Variants in ANP32B observed in about 807,000 individuals in gnomAD.
The protein encoded by ANP32B is acidic leucine-rich nuclear phosphoprotein 32 family member B.
ANP32B carries 6 observed loss-of-function variants against 32.2 expected under a neutral mutation model. That is an observed-to-expected ratio of 0.19 (90% CI 0.10 to 0.37). ANP32B has a LOEUF of 0.37. Among genes scored for constraint, ANP32B ranks in the 10% least tolerant of loss-of-function variants. The pLI is 1.00. For missense variants in ANP32B, 204 were observed against 289.2 expected (o/e 0.71, Z 2.14); for synonymous variants, 98 against 105.8 (o/e 0.93, Z 0.45).
At chr9:98,008,128 C>A (rs576463916) in intron 4 of ANP32B, among the ~76,000 whole-genome samples, 1 of 152,220 alleles carries the variant, frequency 6.6e-6, no homozygotes, top group African/African-American at 2.4e-5. Flanking sequence ...TGATGCTCTC[C>A]GTCCCCAGCC....
chr9:97,999,133 G>T (rs1274480537), intron 3 of ANP32B, among the ~76,000 whole-genome samples: 1 of 151,592 alleles, frequency 6.6e-6, no homozygotes, highest in Non-Finnish European at 1.5e-5. Context: ...TACTTTTTAT[G>T]TAAGTCCCAA....
At chr9:98,005,184 T>C (rs1338889901) in intron 4 of ANP32B, 31 bp downstream of exon 4, 1 of 1,600,128 alleles carries the variant, frequency 6.2e-7, no homozygotes, top group Non-Finnish European at 8.5e-7. Flanking sequence ...GTGAACCTGA[T>C]GTCTGCCTTT....
chr9:98,004,021 C>T (rs944761597), intron 3 of ANP32B, among the ~76,000 whole-genome samples: 10 of 152,268 alleles, frequency 6.6e-5, no homozygotes, highest in African/African-American at 2.4e-4. Context: ...TAGTGTAGTA[C>T]CTCTGCCCTC....
At chr9:98,010,987 A>T (rs1222437571) in intron 4 of ANP32B, among the ~76,000 whole-genome samples, 1 of 152,102 alleles carries the variant, frequency 6.6e-6, no homozygotes, top group Non-Finnish European at 1.5e-5. Context: ...GCATACCCTT[A>T]CCTTCTTCCC....
intron 4 of ANP32B, among the ~76,000 whole-genome samples, chr9:98,008,805 A>T (rs1268626366): frequency 6.6e-6 from 1 of 152,214 alleles, no homozygotes; most frequent in Non-Finnish European, 1.5e-5. Flanking sequence ...TTGTATAATT[A>T]TATCATTATA....
intron 6 of ANP32B, 132 bp downstream of exon 6, chr9:98,012,604 C>A: frequency 7.6e-7 from 1 of 1,320,700 alleles, no homozygotes; most frequent in Non-Finnish European, 1.0e-6. Context: ...TTCACATTCT[C>A]GTTTCTATCG....
chr9:98,001,121 G>C (rs1827982995), intron 3 of ANP32B, among the ~76,000 whole-genome samples: 1 of 151,520 alleles, frequency 6.6e-6, no homozygotes, highest in East Asian at 1.9e-4. Context: ...GTTAGTGACA[G>C]ACATACTAAT....
intron 6 of ANP32B, 109 bp from the exon 7 acceptor site, chr9:98,015,255 T>C: frequency 6.8e-7 from 1 of 1,464,124 alleles, no homozygotes; most frequent in Non-Finnish European, 9.2e-7. Context: ...CAAGTTTACA[T>C]TGTTTTATCT....
At chr9:98,012,699 C>T (rs1271093736) in intron 6 of ANP32B, among the ~76,000 whole-genome samples, 2 of 152,190 alleles carry the variant, frequency 1.3e-5, no homozygotes, top group Admixed American at 1.3e-4. Flanking sequence ...TGTTGGTCTT[C>T]AGTCCTCATG....
At position 97,988,028 on chromosome 9, in the gene ANP32B, C is replaced by G. The variant is rs555431370; in HGVS notation, c.54+4419C>G. On this transcript the variant is annotated intron_variant, in intron 1 of 6. Coordinates refer to ENST00000339399, the MANE Select transcript of ANP32B (RefSeq NM_006401.3). ...AAAAGAAGATAGACATCATACATGC[C>G]TAACGTACCATCTAGACACTTTAGT... 2.0e-5 allele frequency among the ~76,000 whole-genome samples: 3 copies of G among 152,160 alleles called. No individual in the cohort carries two copies. In the East Asian group the frequency reaches 5.8e-4, roughly 29 times the overall value.
chr9:97,984,673 C>T (rs1827674798), intron 1 of ANP32B: 1 of 150,850 alleles, frequency 6.6e-6, no homozygotes, highest in African/African-American at 2.4e-5. Flanking sequence ...GCGGCCGCCT[C>T]TTCCCGCGCC....
chr9:97,984,106 C>G (rs1042493910), intron 1 of ANP32B, among the ~76,000 whole-genome samples: 3 of 149,594 alleles, frequency 2.0e-5, no homozygotes, highest in Admixed American at 1.3e-4. Flanking sequence ...GTGGCCGGAG[C>G]TCGCCGTGGG....
At chr9:97,991,803 A>G (rs557664883) in intron 1 of ANP32B, among the ~76,000 whole-genome samples, 2 of 152,344 alleles carry the variant, frequency 1.3e-5, no homozygotes, top group African/African-American at 4.8e-5. Context: ...AGTAGGGAAA[A>G]TTGAGCACAA....
chr9:97,994,278 C>T (rs1380288529), intron 1 of ANP32B, among the ~76,000 whole-genome samples: 1 of 152,208 alleles, frequency 6.6e-6, no homozygotes, highest in Non-Finnish European at 1.5e-5. Flanking sequence ...TGTCTTCATT[C>T]TGCATTTGCA....
chr9:97,992,132 G>T (rs1454228241), intron 1 of ANP32B, among the ~76,000 whole-genome samples: 1 of 151,596 alleles, frequency 6.6e-6, no homozygotes, highest in Non-Finnish European at 1.5e-5. Context: ...CTTTTTCACC[G>T]AGGCTGGGGT....
At chr9:97,986,275 C>T (rs535287923) in intron 1 of ANP32B, among the ~76,000 whole-genome samples, 1 of 152,354 alleles carries the variant, frequency 6.6e-6, no homozygotes, top group East Asian at 1.9e-4. Context: ...TTAGGCAGCA[C>T]TGGCCTGCAG....
At chr9:98,005,494 G>A (rs549384045) in intron 4 of ANP32B, among the ~76,000 whole-genome samples, 2 of 151,968 alleles carry the variant, frequency 1.3e-5, no homozygotes, top group East Asian at 1.9e-4. Context: ...ACTGCACTCC[G>A]TCTCAGAAGA....
intron 4 of ANP32B, among the ~76,000 whole-genome samples, chr9:98,006,555 A>G (rs1587879111): frequency 6.6e-6 from 1 of 152,242 alleles, no homozygotes; most frequent in Non-Finnish European, 1.5e-5. Context: ...AAGACTGCCA[A>G]TGAAAAGAAA....
intron 2 of ANP32B, among the ~76,000 whole-genome samples, chr9:97,996,032 C>T (rs1437255815): frequency 6.6e-6 from 1 of 151,392 alleles, no homozygotes; most frequent in Non-Finnish European, 1.5e-5. Flanking sequence ...ATTAAATGCT[C>T]AAGCAGTCTT....
Sources: allele counts gnomAD v4.1 joint callset (sites outside exome capture counted in the v4.1 genomes callset), GRCh38; gene constraint gnomAD v4.1.1; transcripts MANE v1.5; gene names NCBI Gene and HGNC (gene_info 2026-07-23, HGNC 2026-07-21).